The following SLIT3 variants were observed in gnomAD, a reference collection of about 807,000 sequenced individuals.
SLIT3 encodes slit guidance ligand 3, also known as slit homolog 3 protein.
Under a neutral mutation model 184.0 loss-of-function variants are expected in SLIT3, and 68 were observed. The observed-to-expected ratio is 0.37, with a 90% CI of 0.30 to 0.45. The LOEUF (loss-of-function observed/expected upper bound fraction) is 0.45, where lower values mean the gene tolerates loss of function less well. SLIT3 is among the 20% of genes least tolerant of loss of function. The probability of loss-of-function intolerance (pLI) is 1.00; values close to 1 mark genes in which losing one functional copy is unlikely to be tolerated. For synonymous variants in SLIT3, 831 were observed against 828.6 expected (o/e 1.00, Z -0.05); for missense variants, 1,707 against 2,026.0 (o/e 0.84, Z 3.02).
chr5:168,671,027 G>A (rs1376173721), intron 34 of SLIT3, among the ~76,000 whole-genome samples, 171 bp downstream of exon 34: 1 of 152,146 alleles, frequency 6.6e-6, no homozygotes, highest in Non-Finnish European at 1.5e-5. Context: ...TGGCTGCTCA[G>A]ATGTGTAAGC....
At chr5:168,941,685 G>A (rs1396340662) in intron 4 of SLIT3, among the ~76,000 whole-genome samples, 2 of 152,096 alleles carry the variant, frequency 1.3e-5, no homozygotes, top group African/African-American at 4.8e-5. Context: ...AAATTCTCAC[G>A]GATCATGATA....
intron 4 of SLIT3, among the ~76,000 whole-genome samples, chr5:168,893,827 C>T (rs1034685058): frequency 6.6e-6 from 1 of 152,216 alleles, no homozygotes; most frequent in Non-Finnish European, 1.5e-5. Context: ...CCTCATTTGC[C>T]TCCTAGGTCT....
At chr5:169,168,149 C>T (rs527438838) in intron 4 of SLIT3, among the ~76,000 whole-genome samples, 1 of 152,334 alleles carries the variant, frequency 6.6e-6, no homozygotes, top group African/African-American at 2.4e-5. Context: ...AAATCCCTCA[C>T]ATCCTCCTGG....
intron 12 of SLIT3, among the ~76,000 whole-genome samples, chr5:168,784,586 C>T (rs565638590): frequency 2.0e-5 from 3 of 152,296 alleles, no homozygotes; most frequent in African/African-American, 7.2e-5. Context: ...CTGTCCAGAG[C>T]TGAGTCTTAA....
At chr5:169,206,044 G>A (rs866122783) in intron 3 of SLIT3, among the ~76,000 whole-genome samples, 2 of 152,314 alleles carry the variant, frequency 1.3e-5, no homozygotes, top group Middle Eastern at 3.4e-3. Flanking sequence ...AGTGAGGGGT[G>A]CAATTAATAA....
intron 31 of SLIT3, among the ~76,000 whole-genome samples, chr5:168,684,521 G>A (rs1761686819): frequency 6.6e-6 from 1 of 152,114 alleles, no homozygotes; most frequent in African/African-American, 2.4e-5. Flanking sequence ...CCAGGCTGGA[G>A]TGCAGTGGCA....
intron 32 of SLIT3, among the ~76,000 whole-genome samples, chr5:168,674,445 A>G (rs1255273202): frequency 6.6e-6 from 1 of 150,650 alleles, no homozygotes; most frequent in Non-Finnish European, 1.5e-5. Context: ...TAATGCAAGT[A>G]TTCAACACTT....
At chr5:169,222,617 T>G (rs10866632) in intron 3 of SLIT3, among the ~76,000 whole-genome samples, 30,049 of 152,122 alleles carry the variant, frequency 0.2, 3,372 homozygotes, top group East Asian at 0.44. Context: ...CCTCAGTTTT[T>G]GGTTCAAGTA....
intron 2 of SLIT3, among the ~76,000 whole-genome samples, chr5:169,246,463 A>G (rs1765594189): frequency 6.6e-6 from 1 of 152,210 alleles, no homozygotes; most frequent in African/African-American, 2.4e-5. Flanking sequence ...TTGCTTGCAC[A>G]TTAGCTGATG....
chr5:169,043,974 G>T (rs896967208), intron 4 of SLIT3, among the ~76,000 whole-genome samples: 2 of 152,170 alleles, frequency 1.3e-5, no homozygotes, highest in Non-Finnish European at 2.9e-5. Flanking sequence ...TTCCATTTAG[G>T]AAATACTCTG....
At chr5:169,240,351 T>C (rs1399598429) in intron 3 of SLIT3, among the ~76,000 whole-genome samples, 1 of 151,846 alleles carries the variant, frequency 6.6e-6, no homozygotes, top group Non-Finnish European at 1.5e-5. Flanking sequence ...TAACTATGAT[T>C]ATAAATTTGT....
At chr5:168,818,413 C>A (rs1004958398) in intron 7 of SLIT3, among the ~76,000 whole-genome samples, 4 of 152,216 alleles carry the variant, frequency 2.6e-5, no homozygotes, top group Middle Eastern at 3.4e-3. Context: ...CTAAGGATAT[C>A]CAGGGGCTTC....
chr5:169,244,083 T>A (rs1172032613), intron 3 of SLIT3, among the ~76,000 whole-genome samples: 1 of 152,200 alleles, frequency 6.6e-6, no homozygotes, highest in African/African-American at 2.4e-5. Context: ...CCATCTTCCA[T>A]TCCCATCCCT....
Position 169,300,807 on chromosome 5 carries a change from G to C in SLIT3, c.-98C>G, listed in dbSNP as rs1484326427. On this transcript the variant is annotated 5_prime_UTR_variant, in exon 1 of 36. Transcript: ENST00000519560. This position sits in a 1 kb window ranked among gnomAD's most constrained non-coding sequence, Gnocchi z 4.1. ...GGGGAGCGCGGGCGGCCTGGGGAGC[G>C]GGCGGCGGAGTTAGCGCGGAGGAGG... is the stretch of plus-strand genomic sequence containing the variant. 4 of 1,188,442 alleles carry C rather than the reference G, an allele frequency of 3.4e-6. No individual in the cohort carries two copies. Among genetic ancestry groups the C allele is most frequent in the African/African-American group, 1.6e-5 (1 of 62,664 alleles). 73.6% of individuals were successfully genotyped at this position (1,188,442 alleles called of 1,614,324 possible). A position where few individuals can be genotyped will look rare whatever the true frequency, so the allele number is the denominator to read the frequency against.
At chr5:169,294,367 C>G (rs1335974269) in intron 1 of SLIT3, among the ~76,000 whole-genome samples, 2 of 152,038 alleles carry the variant, frequency 1.3e-5, no homozygotes, top group African/African-American at 4.8e-5. Context: ...AGCAACACAC[C>G]CATGGAAAAG....
intron 4 of SLIT3, among the ~76,000 whole-genome samples, chr5:169,170,332 G>A (rs947364736): frequency 1.3e-5 from 2 of 152,176 alleles, no homozygotes; most frequent in African/African-American, 4.8e-5. Context: ...GTCCGGAAGA[G>A]TCATAACTTC....
chr5:168,845,865 T>C (rs17070550), intron 5 of SLIT3, among the ~76,000 whole-genome samples: 6,501 of 152,258 alleles, frequency 0.043, 191 homozygotes, highest in Non-Finnish European at 0.064. Flanking sequence ...GCTATGGCTG[T>C]ACTAAAAAAC....
chr5:168,771,211 G>A (rs1452491754), intron 14 of SLIT3, among the ~76,000 whole-genome samples: 3 of 152,168 alleles, frequency 2.0e-5, no homozygotes, highest in Non-Finnish European at 4.4e-5. Flanking sequence ...GAAAGGTGCT[G>A]GGGATAGGAC....
Position 168,959,670 on chromosome 5 carries a change from C to T in SLIT3, c.414-76334G>A, listed in dbSNP as rs766706511. On this transcript the variant is annotated intron_variant, in intron 4 of 35. Transcript: ENST00000519560. Reference sequence around the variant, plus strand: ...CATCCTAAGTGACGTGGGAAGAGGGCGTCTGGAGCTTGAGGACACAGCTGC... The same window carrying T: ...CATCCTAAGTGACGTGGGAAGAGGGTGTCTGGAGCTTGAGGACACAGCTGC... 2.4e-4 allele frequency among the ~76,000 whole-genome samples: 36 copies of T among 152,228 alleles called. 1 individual carries two copies. Among genetic ancestry groups the T allele is most frequent in the South Asian group, 1.7e-3 (8 of 4,824 alleles).
Sources: allele counts gnomAD v4.1 joint callset (sites outside exome capture counted in the v4.1 genomes callset), GRCh38; gene constraint gnomAD v4.1.1; non-coding constraint Gnocchi (gnomAD v3.1); transcripts MANE v1.5; gene names NCBI Gene and HGNC (gene_info 2026-07-23, HGNC 2026-07-21).